The following CDC37 variants were observed in gnomAD, a reference collection of about 807,000 sequenced individuals.
The protein encoded by CDC37 is hsp90 co-chaperone Cdc37.
A neutral mutation model predicts 46.9 loss-of-function variants in CDC37; 9 were observed. The observed-to-expected ratio is 0.19, with a 90% CI of 0.12 to 0.33. The LOEUF (loss-of-function observed/expected upper bound fraction) is 0.33. CDC37 is among the 10% of genes least tolerant of loss of function. CDC37 has a pLI of 1.00. For missense variants in CDC37, 388 were observed against 514.6 expected (o/e 0.75, Z 2.38); for synonymous variants, 193 against 191.0 (o/e 1.01, Z -0.09).
rs150218435 is a variant in CDC37 at position 10,391,163 on chromosome 19, T to C, written c.*388A>G. On this transcript the variant is annotated 3_prime_UTR_variant, in exon 8 of 8. Transcript: ENST00000222005. ...TCTGAAATCTTTTATTGGAAGATCA[T>C]TGCTGTTTGCCAAATAGAAGACACA... The C allele has an allele frequency of 1.0e-3, 283 of 273,962 alleles. No individual in the cohort carries two copies. The highest frequency in any genetic ancestry group is 6.1e-3 in the African/African-American group (266 of 43,562). The allele number at this position is 273,962 out of a possible 1,614,324, so 17.0% of individuals were successfully genotyped here. A position where few individuals can be genotyped will look rare whatever the true frequency, so the allele number is the denominator to read the frequency against.
At position 10,395,923 on chromosome 19, in the gene CDC37, C is replaced by CCCCCCCTTCTTTA; in HGVS notation, c.378+4_378+5insTAAAGAAGGGGGG. ...CGCACTGCCCGCCCCGCCCGCCCCG[C>CCCCCCCTTCTTTA]ACACCTTGCTGAAGCCGTCTTTGCT... On this transcript the variant is annotated splice_donor_region_variant and intron_variant, in intron 2 of 7. Transcript: ENST00000222005. 6.2e-7 allele frequency: 1 copy of CCCCCCCTTCTTTA among 1,612,270 alleles called. No individual in the cohort carries two copies. The highest frequency in any genetic ancestry group is 8.5e-7 in the Non-Finnish European group (1 of 1,178,804).
intron 1 of CDC37, among the ~76,000 whole-genome samples, chr19:10,397,616 G>A (rs779984556): frequency 1.1e-4 from 16 of 151,874 alleles, no homozygotes; most frequent in Non-Finnish European, 2.2e-4. Context: ...CTCCATGTTG[G>A]CTGGTCTTGA....
chr19:10,398,707 C>G lies in CDC37; in HGVS notation c.103-2504G>C, dbSNP rs2042503835. On this transcript the variant is annotated intron_variant, in intron 1 of 7. Coordinates refer to ENST00000222005, the MANE Select transcript of CDC37 (RefSeq NM_007065.4). The surrounding 1 kb of genome is among the most constrained non-coding windows in gnomAD (Gnocchi z 4.2). ...GCAAGAGAACAATCTCTCTCTCTCTCTGGGGACCACTCTGGGGCCTCAAAA... is the reference window on the plus strand; with the variant it reads ...GCAAGAGAACAATCTCTCTCTCTCTGTGGGGACCACTCTGGGGCCTCAAAA... Among the ~76,000 whole-genome samples the G allele has an allele frequency of 6.6e-6, 1 of 152,216 alleles. No homozygotes were observed. Among genetic ancestry groups the G allele is most frequent in the South Asian group, 2.1e-4 (1 of 4,822 alleles).
intron 1 of CDC37, among the ~76,000 whole-genome samples, chr19:10,397,242 G>T (rs544702309): frequency 1.4e-5 from 2 of 145,682 alleles, no homozygotes; most frequent in African/African-American, 5.0e-5. Context: ...GCAAATGCTT[G>T]TTTTTTTTTT....
rs1359754822 is a variant in CDC37, at chr19:10,391,199, G to A, written c.*352C>T. On this transcript the variant is annotated 3_prime_UTR_variant, in exon 8 of 8. Transcript: ENST00000222005. ...CAAATAGAAGACACAGACAGCAGACGAACAGTGAAAACAGAGCCCAGTGAC... is the reference window on the plus strand; with the variant it reads ...CAAATAGAAGACACAGACAGCAGACAAACAGTGAAAACAGAGCCCAGTGAC... 5.3e-5 allele frequency: 17 copies of A among 321,128 alleles called. No homozygotes were observed. Among genetic ancestry groups the A allele is most frequent in the East Asian group, 2.7e-4 (3 of 10,986 alleles). 19.9% of individuals were successfully genotyped at this position (321,128 alleles called of 1,614,324 possible).
At chr19:10,400,783 C>A (rs2042514768) in intron 1 of CDC37, 2 of 151,734 alleles carry the variant, frequency 1.3e-5, no homozygotes, top group Admixed American at 1.3e-4. Flanking sequence ...CTGCCTCAGT[C>A]TCCTGAGTAG....
At chr19:10,395,826 C>A in intron 2 of CDC37, 102 bp downstream of exon 2, 1 of 1,286,924 alleles carries the variant, frequency 7.8e-7, no homozygotes. Flanking sequence ...TTCAACTACA[C>A]CACCGGGGTC....
rs1309549777 is a variant in CDC37 at position 10,398,222 on chromosome 19, C to G, written c.103-2019G>C. ...CAGATGGGACTTCTGATCCTGGCAT[C>G]CTGGTCCTGGGTCCCAGGCAGATAC... On this transcript the variant is annotated intron_variant, in intron 1 of 7. Transcript: ENST00000222005. The surrounding 1 kb of genome is among the most constrained non-coding windows in gnomAD (Gnocchi z 4.2). Among the ~76,000 whole-genome samples, 1 of 152,232 alleles carries G rather than the reference C, an allele frequency of 6.6e-6. No individual in the cohort carries two copies. The highest frequency in any genetic ancestry group is 1.5e-5 in the Non-Finnish European group (1 of 68,050).
intron 5 of CDC37, among the ~76,000 whole-genome samples, chr19:10,394,112 CA>C (rs1027936887): frequency 6.6e-6 from 1 of 151,658 alleles, no homozygotes; most frequent in Non-Finnish European, 1.5e-5. Flanking sequence ...ACAACAACAA[CA>C]AAAAAACCCT....
At position 10,396,148 on chromosome 19, in the gene CDC37, C is replaced by A; in HGVS notation, c.158G>T (p.Gly53Val). 2 of 1,614,080 alleles carry A rather than the reference C, an allele frequency of 1.2e-6. No homozygotes were observed. Among genetic ancestry groups the A allele is most frequent in the Non-Finnish European group, 8.5e-7 (1 of 1,180,004 alleles). Residue 53 changes from glycine (G) to valine (V), a missense_variant, in exon 2 of 8, where the codon GGC becomes GTC. Around this residue, in one of 2 missense-constraint regions of CDC37, gnomAD observed 374 missense variants for 467.4 expected, o/e 0.80. Transcript: ENST00000222005. This position sits in a 1 kb window ranked among gnomAD's most constrained non-coding sequence, Gnocchi z 5.9. Reference sequence around the variant, plus strand: ...CACCTTGCGCTTGCACTCGCGGCAGCCCCTGTCCAGTTCCTCCTTCTCCTT... The same window carrying A: ...CACCTTGCGCTTGCACTCGCGGCAGACCCTGTCCAGTTCCTCCTTCTCCTT... ...FQKEKEELDR[G>V]CRECKRKVAE...
chr19:10,397,823 C>G (rs973058447), intron 1 of CDC37, among the ~76,000 whole-genome samples: 13 of 152,116 alleles, frequency 8.5e-5, no homozygotes, highest in African/African-American at 3.1e-4. Context: ...TGTCTACCTG[C>G]TTCCCGCTCA....
chr19:10,391,874 G>T (rs1283298146), intron 7 of CDC37, among the ~76,000 whole-genome samples, 168 bp from the exon 8 acceptor site: 1 of 152,168 alleles, frequency 6.6e-6, no homozygotes, highest in African/African-American at 2.4e-5. Flanking sequence ...GTGCAATCTC[G>T]GTTCACTGCA....
chr19:10,396,473 C>T lies in CDC37; in HGVS notation c.103-270G>A, dbSNP rs2042493113. ...ACAGCCTACATGGGCCCTACACAAT[C>T]TGCCTCGGCACCTCCCCTGGTAACT... On this transcript the variant is annotated intron_variant, in intron 1 of 7. Transcript: ENST00000222005. This position sits in a 1 kb window ranked among gnomAD's most constrained non-coding sequence, Gnocchi z 5.9. 6.6e-6 allele frequency among the ~76,000 whole-genome samples: 1 copy of T among 152,212 alleles called. No homozygotes were observed. Among genetic ancestry groups the T allele is most frequent in the South Asian group, 2.1e-4 (1 of 4,830 alleles).
chr19:10,392,379 T>A (rs2042462087), intron 7 of CDC37, among the ~76,000 whole-genome samples: 1 of 152,134 alleles, frequency 6.6e-6, no homozygotes, highest in South Asian at 2.1e-4. Context: ...TCTAGATGGC[T>A]ATGCCCATAG....
Position 10,403,505 on chromosome 19 carries a change from C to T in CDC37, c.-26G>A. ...CTTGCCTTGGCGGCCCAGCCCGCTC[C>T]GGCTCGGGTGGCGGCGACGGCGGCA... On this transcript the variant is annotated 5_prime_UTR_variant, in exon 1 of 8. Coordinates refer to ENST00000222005, the MANE Select transcript of CDC37 (RefSeq NM_007065.4). The T allele has an allele frequency of 1.3e-6, 2 of 1,572,494 alleles. No individual in the cohort carries two copies. The highest frequency in any genetic ancestry group is 1.7e-6 in the Non-Finnish European group (2 of 1,145,438).
intron 1 of CDC37, among the ~76,000 whole-genome samples, chr19:10,400,916 AAATG>A (rs2042515468): frequency 6.6e-6 from 1 of 152,146 alleles, no homozygotes; most frequent in African/African-American, 2.4e-5. Context: ...TACAAATATT[AAATG>A]AATAAGGTAA....
chr19:10,395,055 C>G lies in CDC37; in HGVS notation c.692G>C (p.Arg231Pro). The G allele has an allele frequency of 6.5e-7, 1 of 1,536,654 alleles. No homozygotes were observed. Among genetic ancestry groups the G allele is most frequent in the Non-Finnish European group, 8.8e-7 (1 of 1,140,098 alleles). Residue 231 changes from arginine (R) to proline (P), a missense_variant, in exon 5 of 8, where the codon CGG (arginine) becomes CCG (proline). Physicochemically the swap from Arg to Pro is moderately radical, Grantham distance 103. Transcript: ENST00000222005. ...ELAKSLKVDP[R>P]ACFRQFFTKI... Reference sequence around the variant, plus strand: ...AGTGAAGAACTGCCGGAAGCAGGCCCGGGGGTCCACCTTTAGGCTCTTGGC... The same window carrying G: ...AGTGAAGAACTGCCGGAAGCAGGCCGGGGGGTCCACCTTTAGGCTCTTGGC...
chr19:10,401,885 T>C (rs1486163944), intron 1 of CDC37, among the ~76,000 whole-genome samples: 1 of 152,054 alleles, frequency 6.6e-6, no homozygotes, highest in Non-Finnish European at 1.5e-5. Flanking sequence ...CTGGGTGCGG[T>C]GGCTCACGCC....
chr19:10,392,842 TCAGTCACAGTAA>T, intron 7 of CDC37: 1 of 572,964 alleles, frequency 1.7e-6, no homozygotes, highest in East Asian at 2.9e-5. Context: ...GAGGCTGGAC[TCAGTCACAGTAA>T]CAGTGACAGT....
Sources: gnomAD v4.1 joint callset for allele counts (sites outside exome capture counted in the v4.1 genomes callset) on GRCh38, gnomAD v4.1.1 for gene constraint, gnomAD v4.1.1 regional missense constraint, Gnocchi (gnomAD v3.1) non-coding constraint, MANE v1.5 for transcripts, NCBI Gene and HGNC (gene_info 2026-07-23, HGNC 2026-07-21) for gene names.